The following C4BPA variants were observed in gnomAD, a reference collection of about 807,000 sequenced individuals.
C4BPA encodes complement component 4 binding protein alpha.
Under a neutral mutation model 63.7 loss-of-function variants are expected in C4BPA, and 31 were observed. That is an observed-to-expected ratio of 0.49 (90% confidence interval 0.37 to 0.66). C4BPA has a LOEUF of 0.66. C4BPA is among the 30% of genes least tolerant of loss of function. The pLI, the probability that C4BPA is intolerant of heterozygous loss-of-function variation, is 0.00. For missense variants in C4BPA, 572 were observed against 723.3 expected (o/e 0.79, Z 2.40); for synonymous variants, 259 against 254.7 (o/e 1.02, Z -0.16).
intron 1 of C4BPA, 36 bp from the exon 2 acceptor site, chr1:207,112,965 T>G: frequency 6.6e-7 from 1 of 1,518,768 alleles, no homozygotes; most frequent in South Asian, 1.3e-5. Context: ...AAGTTGGAAT[T>G]CAATGACTAT....
chr1:207,137,539 T>C (rs995400516), intron 9 of C4BPA, among the ~76,000 whole-genome samples: 2 of 152,212 alleles, frequency 1.3e-5, no homozygotes, highest in Non-Finnish European at 2.9e-5. Context: ...TTGGTTGAAT[T>C]ATTATCAGAA....
intron 7 of C4BPA, among the ~76,000 whole-genome samples, chr1:207,131,096 C>T (rs1685148458): frequency 1.3e-5 from 2 of 152,128 alleles, no homozygotes; most frequent in Non-Finnish European, 2.9e-5. Flanking sequence ...AGATCCAAGG[C>T]CCAGGCTCAA....
chr1:207,139,356 A>G lies in C4BPA; in HGVS notation c.1274-1750A>G, dbSNP rs552495696. Among the ~76,000 whole-genome samples, 9 of 152,304 alleles carry G rather than the reference A, an allele frequency of 5.9e-5. No homozygotes were observed. The South Asian group carries it at 1.9e-3, about 32-fold the overall frequency. On this transcript the variant is annotated intron_variant, in intron 9 of 11. Coordinates refer to ENST00000367070, the MANE Select transcript of C4BPA (RefSeq NM_000715.4). ...ATTTAATGGAAATATCACAGGGATG[A>G]CCACTCCCATGTCTTTAGCTATTTG...
chr1:207,124,042 TA>T, intron 5 of C4BPA, 35 bp downstream of exon 5: 1 of 1,531,786 alleles, frequency 6.5e-7, no homozygotes, highest in Non-Finnish European at 9.0e-7. Context: ...ACTATCAATT[TA>T]AACTCTGTTA....
intron 7 of C4BPA, among the ~76,000 whole-genome samples, chr1:207,129,936 A>G (rs1294746423): frequency 6.6e-6 from 1 of 152,074 alleles, no homozygotes; most frequent in Non-Finnish European, 1.5e-5. Flanking sequence ...TCATTTCTGT[A>G]CTATAATACA....
At chr1:207,109,336 A>G (rs897836639) in intron 1 of C4BPA, among the ~76,000 whole-genome samples, 8 of 152,256 alleles carry the variant, frequency 5.3e-5, no homozygotes, top group East Asian at 1.9e-4. Context: ...GGCTTCTGAC[A>G]GAGTGACATT....
intron 1 of C4BPA, among the ~76,000 whole-genome samples, chr1:207,106,707 C>T (rs1057392228): frequency 1.3e-5 from 2 of 152,208 alleles, no homozygotes; most frequent in African/African-American, 2.4e-5. Context: ...TCCCAAAGTG[C>T]TGGGATTACA....
At chr1:207,128,505 G>A (rs948549628) in intron 7 of C4BPA, among the ~76,000 whole-genome samples, 1 of 152,110 alleles carries the variant, frequency 6.6e-6, no homozygotes, top group African/African-American at 2.4e-5. Context: ...AGCATATTAT[G>A]CCCCAGGGAG....
At chr1:207,131,206 C>G (rs1400187956) in intron 7 of C4BPA, among the ~76,000 whole-genome samples, 2 of 152,140 alleles carry the variant, frequency 1.3e-5, no homozygotes, top group Admixed American at 6.5e-5. Flanking sequence ...AATCAGTAAA[C>G]ATAGTTAGAT....
At chr1:207,142,152 G>C (rs975790095) in intron 10 of C4BPA, among the ~76,000 whole-genome samples, 4 of 135,542 alleles carry the variant, frequency 3.0e-5, no homozygotes, top group Non-Finnish European at 4.5e-5. Flanking sequence ...TCCCACTTAT[G>C]AGTGAGAACA....
At chr1:207,126,929 G>T in intron 7 of C4BPA, 34 bp downstream of exon 7, 1 of 1,537,700 alleles carries the variant, frequency 6.5e-7, no homozygotes, top group South Asian at 1.1e-5. Flanking sequence ...TTCAATGTTT[G>T]GCATCTAAAG....
At chr1:207,138,319 C>A (rs1191466932) in intron 9 of C4BPA, among the ~76,000 whole-genome samples, 2 of 152,170 alleles carry the variant, frequency 1.3e-5, no homozygotes, top group African/African-American at 4.8e-5. Flanking sequence ...TGCTCTACTT[C>A]CATCTTATAA....
chr1:207,112,301 T>TACGGCG lies in C4BPA; in HGVS notation c.-25-697_-25-692dup, dbSNP rs1364784528. 9.2e-5 allele frequency among the ~76,000 whole-genome samples: 14 copies of TACGGCG among 151,974 alleles called. No homozygotes were observed. In the East Asian group the frequency reaches 2.7e-3, roughly 29 times the overall value. ...TCACAAGGAACTCCCAATACTTCTA[T>TACGGCG]ACGGCGACTCAACTCTTTCTCTCTA... On this transcript the variant is annotated intron_variant, in intron 1 of 11. Coordinates refer to ENST00000367070, the MANE Select transcript of C4BPA (RefSeq NM_000715.4).
At position 207,134,405 on chromosome 1, in the gene C4BPA, G is replaced by A. The variant is rs774171981; in HGVS notation, c.1086G>A (p.Ala362=). 3.4e-5 allele frequency: 55 copies of A among 1,609,230 alleles called. No individual in the cohort carries two copies. Among genetic ancestry groups the A allele is most frequent in the Admixed American group, 2.4e-4 (14 of 59,312 alleles). ...LRWTPYQGCE[A]LCCPEPKLNN... is the part of the protein sequence containing the mutation. ...TGCACCTCACATTTTATTTTTCAGC[G>A]TTATGTTGCCCTGAACCAAAGCTAA... Residue 362 remains alanine, a splice_region_variant and synonymous_variant, in exon 9 of 12, where the codon GCG becomes GCA. Coordinates refer to ENST00000367070, the MANE Select transcript of C4BPA (RefSeq NM_000715.4).
intron 7 of C4BPA, 84 bp from the exon 8 acceptor site, chr1:207,131,462 C>G: frequency 1.1e-6 from 1 of 938,898 alleles, no homozygotes; most frequent in Non-Finnish European, 1.6e-6. Flanking sequence ...GTATGACCCC[C>G]TTTGATAGGA....
intron 8 of C4BPA, among the ~76,000 whole-genome samples, chr1:207,133,228 C>G (rs12085881): frequency 0.035 from 5,389 of 152,200 alleles, 297 homozygotes; most frequent in African/African-American, 0.12. Flanking sequence ...GTTTTAATAT[C>G]CAAACCATAT....
chr1:207,124,685 C>A (rs915301681), intron 6 of C4BPA, among the ~76,000 whole-genome samples: 2 of 152,170 alleles, frequency 1.3e-5, no homozygotes, highest in Non-Finnish European at 2.9e-5. Context: ...TCCAGGGCAG[C>A]CGTAGTCTGT....
At chr1:207,134,090 C>T (rs966253312) in intron 8 of C4BPA, among the ~76,000 whole-genome samples, 6 of 152,170 alleles carry the variant, frequency 3.9e-5, no homozygotes, top group Admixed American at 6.5e-5. Flanking sequence ...TCAAGCAATC[C>T]TCCCATTTTG....
At chr1:207,112,954 C>G in intron 1 of C4BPA, 47 bp from the exon 2 acceptor site, 1 of 1,481,116 alleles carries the variant, frequency 6.8e-7, no homozygotes, top group Admixed American at 2.4e-5. Context: ...TGCTTTATGA[C>G]AAGTTGGAAT....
Sources: gnomAD v4.1 joint callset for allele counts (sites outside exome capture counted in the v4.1 genomes callset) on GRCh38, gnomAD v4.1.1 for gene constraint, MANE v1.5 for transcripts, NCBI Gene and HGNC (gene_info 2026-07-23, HGNC 2026-07-21) for gene names.